Variants in GRID1 observed in about 807,000 individuals in gnomAD.
GRID1 encodes glutamate receptor ionotropic, delta-1.
In GRID1, 28 loss-of-function variants were observed where a neutral mutation model predicts 98.0. The observed-to-expected ratio is 0.29, with a 90% confidence interval of 0.21 to 0.39. GRID1 has a LOEUF of 0.39. Among genes scored for constraint, GRID1 ranks in the 10% least tolerant of loss-of-function variants. The probability of loss-of-function intolerance (pLI) is 1.00; values close to 1 mark genes in which losing one functional copy is unlikely to be tolerated. For synonymous variants in GRID1, 553 were observed against 538.5 expected (o/e 1.03, Z -0.37); for missense variants, 1,111 against 1,340.5 (o/e 0.83, Z 2.67).
intron 5 of GRID1, among the ~76,000 whole-genome samples, chr10:85,908,837 C>T (rs2177605): frequency 0.36 from 54,792 of 151,908 alleles, 10,843 homozygotes; most frequent in African/African-American, 0.52. Flanking sequence ...GGCATAAAGA[C>T]AGAAAAAAAT....
Position 85,602,247 on chromosome 10 carries a change from G to C in GRID1, c.*26C>G, listed in dbSNP as rs1449338925. On this transcript the variant is annotated 3_prime_UTR_variant, in exon 16 of 16. Coordinates refer to ENST00000327946, the MANE Select transcript of GRID1 (RefSeq NM_017551.3). ...GCTCTGCTGGTCGGGTGGGTGGGAGGGTGGGCAGGAGGGCAGGCGGCGCAG... is the reference window on the plus strand; with the variant it reads ...GCTCTGCTGGTCGGGTGGGTGGGAGCGTGGGCAGGAGGGCAGGCGGCGCAG... 7.8e-7 allele frequency: 1 copy of C among 1,284,516 alleles called. No homozygotes were observed. The highest frequency in any genetic ancestry group is 2.6e-5 in the East Asian group (1 of 38,054). 79.6% of individuals were successfully genotyped at this position (1,284,516 alleles called of 1,614,324 possible). A position where few individuals can be genotyped will look rare whatever the true frequency, so the allele number is the denominator to read the frequency against.
chr10:85,952,250 T>C (rs182360618), intron 4 of GRID1, among the ~76,000 whole-genome samples: 1 of 152,330 alleles, frequency 6.6e-6, no homozygotes, highest in African/African-American at 2.4e-5. Context: ...GGGCACATGT[T>C]ACGACATCAA....
intron 4 of GRID1, among the ~76,000 whole-genome samples, chr10:85,926,319 C>CG (rs1841773884): frequency 1.3e-5 from 2 of 152,116 alleles, no homozygotes; most frequent in Non-Finnish European, 2.9e-5. Flanking sequence ...TGAGAGACCA[C>CG]GGGGGGCTCT....
intron 5 of GRID1, among the ~76,000 whole-genome samples, chr10:85,897,390 G>A (rs961625182): frequency 6.6e-6 from 1 of 152,172 alleles, no homozygotes; most frequent in East Asian, 1.9e-4. Flanking sequence ...ATGGGGATAG[G>A]TAAAATGGCC....
chr10:85,932,132 T>A (rs769121285), intron 4 of GRID1, among the ~76,000 whole-genome samples: 5 of 152,194 alleles, frequency 3.3e-5, no homozygotes, highest in Non-Finnish European at 7.3e-5. Flanking sequence ...AGAACCAGGC[T>A]CACCCCACAA....
chr10:85,922,703 G>A (rs909147486), intron 4 of GRID1, among the ~76,000 whole-genome samples: 3 of 152,174 alleles, frequency 2.0e-5, no homozygotes, highest in African/African-American at 7.2e-5. Context: ...GGAGCGCAAC[G>A]CCCCTCCATT....
intron 12 of GRID1, among the ~76,000 whole-genome samples, chr10:85,659,761 G>C (rs1840944203): frequency 6.6e-6 from 1 of 152,244 alleles, no homozygotes; most frequent in Non-Finnish European, 1.5e-5. Flanking sequence ...TCTGAGTTCA[G>C]AGAATGGGAG....
At chr10:85,862,827 G>A (rs1358026681) in intron 6 of GRID1, among the ~76,000 whole-genome samples, 1 of 152,204 alleles carries the variant, frequency 6.6e-6, no homozygotes, top group East Asian at 1.9e-4. Flanking sequence ...GGCCACCAGT[G>A]AGACTTTAAA....
At chr10:86,363,722 C>T (rs11201998) in intron 2 of GRID1, among the ~76,000 whole-genome samples, 17,069 of 152,278 alleles carry the variant, frequency 0.11, 1,105 homozygotes, top group South Asian at 0.23. Context: ...ACCAGCTCCC[C>T]GCGCTCGCAG....
chr10:85,848,991 G>A (rs7075405), intron 8 of GRID1, among the ~76,000 whole-genome samples: 5,067 of 152,268 alleles, frequency 0.033, 98 homozygotes, highest in East Asian at 0.065. Context: ...TAGAGACACT[G>A]CACAGTCCTC....
intron 4 of GRID1, among the ~76,000 whole-genome samples, chr10:86,031,220 G>A (rs565537123): frequency 9.2e-5 from 14 of 152,162 alleles, no homozygotes; most frequent in African/African-American, 2.2e-4. Flanking sequence ...AGGTAATACC[G>A]TGCAGCCATA....
intron 8 of GRID1, among the ~76,000 whole-genome samples, chr10:85,745,731 A>C (rs1263865326): frequency 6.6e-6 from 1 of 152,064 alleles, no homozygotes; most frequent in Non-Finnish European, 1.5e-5. Flanking sequence ...ATTAAAAAAA[A>C]AAAAAAAAGT....
intron 12 of GRID1, among the ~76,000 whole-genome samples, chr10:85,683,738 C>T (rs1841236928): frequency 6.6e-6 from 1 of 152,102 alleles, no homozygotes. Context: ...ATTTTGAAAC[C>T]TTTCTACATT....
chr10:85,730,753 T>C (rs1240274120), intron 8 of GRID1, among the ~76,000 whole-genome samples: 1 of 152,172 alleles, frequency 6.6e-6, no homozygotes, highest in East Asian at 1.9e-4. Context: ...ATTAAAGCCA[T>C]GATGCTCAAA....
intron 8 of GRID1, among the ~76,000 whole-genome samples, chr10:85,841,235 G>C (rs1842958538): frequency 6.6e-6 from 1 of 152,070 alleles, no homozygotes; most frequent in African/African-American, 2.4e-5. Flanking sequence ...ACAAGCAATA[G>C]GGAAAATTCC....
chr10:86,050,181 C>T (rs1003117642), intron 4 of GRID1, among the ~76,000 whole-genome samples: 8 of 152,196 alleles, frequency 5.3e-5, no homozygotes, highest in Admixed American at 5.2e-4. Context: ...GTCAGTAACA[C>T]TTTATAAGAA....
intron 4 of GRID1, among the ~76,000 whole-genome samples, chr10:85,994,864 A>G (rs1368420107): frequency 6.6e-6 from 1 of 152,222 alleles, no homozygotes; most frequent in Non-Finnish European, 1.5e-5. Flanking sequence ...CCTAATATAT[A>G]AAATTTATTG....
At chr10:86,171,626 A>G (rs1376858922) in intron 3 of GRID1, among the ~76,000 whole-genome samples, 3 of 152,186 alleles carry the variant, frequency 2.0e-5, no homozygotes, top group East Asian at 3.8e-4. Flanking sequence ...GAAATGCCAC[A>G]CTGTAGACTG....
At chr10:85,864,740 A>T (rs1158190016) in intron 6 of GRID1, among the ~76,000 whole-genome samples, 1 of 152,194 alleles carries the variant, frequency 6.6e-6, no homozygotes, top group African/African-American at 2.4e-5. Context: ...CCTCTAATAG[A>T]GTGTGTGCAG....
Sources: gnomAD v4.1 joint callset for allele counts (sites outside exome capture counted in the v4.1 genomes callset) on GRCh38, gnomAD v4.1.1 for gene constraint, MANE v1.5 for transcripts, NCBI Gene and HGNC (gene_info 2026-07-23, HGNC 2026-07-21) for gene names.